LZTFL1: variants seen among roughly 807,000 people sequenced by gnomAD.
The protein encoded by LZTFL1 is leucine zipper transcription factor like 1, also known as leucine zipper transcription factor-like protein 1.
Under a neutral mutation model 45.9 loss-of-function variants are expected in LZTFL1, and 25 were observed. The ratio of observed to expected loss-of-function variants is 0.54; its 90% CI spans 0.40 to 0.76. The LOEUF is 0.76. Ranked by LOEUF, LZTFL1 falls within the 30% of genes least tolerant of loss-of-function variation. The pLI, the probability that LZTFL1 is intolerant of heterozygous loss-of-function variation, is 0.00. For missense variants in LZTFL1, 277 were observed against 331.1 expected (o/e 0.84, Z 1.27); for synonymous variants, 93 against 117.4 (o/e 0.79, Z 1.35).
intron 2 of LZTFL1, among the ~76,000 whole-genome samples, chr3:45,864,418 C>T (rs1004356482): frequency 3.3e-5 from 5 of 152,194 alleles, no homozygotes; most frequent in Admixed American, 6.5e-5. Flanking sequence ...AAATCTTCAT[C>T]GACTAGTAAA....
intron 3 of LZTFL1, chr3:45,855,140 G>A (rs1389893138): frequency 4.3e-6 from 4 of 920,372 alleles, no homozygotes; most frequent in Non-Finnish European, 6.7e-6. Context: ...GGGATATGAT[G>A]AACATCAATG....
intron 3 of LZTFL1, among the ~76,000 whole-genome samples, chr3:45,857,212 C>T (rs1161545089): frequency 6.6e-6 from 1 of 152,164 alleles, no homozygotes; most frequent in African/African-American, 2.4e-5. Context: ...AAGTTAATGT[C>T]CTTTGCAGGG....
intron 1 of LZTFL1, chr3:45,913,305 C>CT (rs74619260): frequency 0.087 from 44,662 of 513,078 alleles, 3 homozygotes; most frequent in East Asian, 0.13. Flanking sequence ...AGATCCTTAA[C>CT]TTTTTTTTTT....
intron 9 of LZTFL1, 100 bp from the exon 10 acceptor site, chr3:45,826,432 A>C: frequency 2.1e-6 from 2 of 943,778 alleles, no homozygotes; most frequent in Non-Finnish European, 3.4e-6. Flanking sequence ...TCTCACTTCA[A>C]ATTACTGTTA....
intron 1 of LZTFL1, among the ~76,000 whole-genome samples, chr3:45,839,593 A>G (rs1289822060): frequency 6.6e-6 from 1 of 152,212 alleles, no homozygotes; most frequent in Non-Finnish European, 1.5e-5. Context: ...ATCCTAAAGT[A>G]TCTCTCCATT....
chr3:45,887,397 A>AT (rs1702016739), intron 2 of LZTFL1, among the ~76,000 whole-genome samples: 1 of 152,170 alleles, frequency 6.6e-6, no homozygotes, highest in East Asian at 1.9e-4. Context: ...CATTTTGGGG[A>AT]TTTTTTGTGC....
chr3:45,892,680 A>G (rs770462769), intron 2 of LZTFL1, among the ~76,000 whole-genome samples: 11 of 152,304 alleles, frequency 7.2e-5, no homozygotes, highest in South Asian at 4.1e-4. Context: ...CAATTTACCT[A>G]TATGACAAAC....
intron 2 of LZTFL1, among the ~76,000 whole-genome samples, chr3:45,892,961 C>T (rs955009893): frequency 2.0e-5 from 3 of 152,174 alleles, no homozygotes; most frequent in African/African-American, 7.2e-5. Flanking sequence ...TCCTGCCTTA[C>T]TTGAACAGCT....
chr3:45,832,891 T>C, intron 5 of LZTFL1, 159 bp downstream of exon 5: 1 of 582,470 alleles, frequency 1.7e-6, no homozygotes, highest in Non-Finnish European at 3.1e-6. Flanking sequence ...AGGTTAAGTA[T>C]GCCCTCTTCT....
Position 45,824,572 on chromosome 3 carries a change from C to T in LZTFL1, c.*1742G>A. 5.5e-6 allele frequency: 2 copies of T among 364,282 alleles called. No individual in the cohort carries two copies. The highest frequency in any genetic ancestry group is 4.9e-6 in the Non-Finnish European group (1 of 205,148). 22.6% of individuals were successfully genotyped at this position (364,282 alleles called of 1,614,324 possible). A position where few individuals can be genotyped will look rare whatever the true frequency, so the allele number is the denominator to read the frequency against. On this transcript the variant is annotated 3_prime_UTR_variant, in exon 10 of 10. Transcript: ENST00000296135. ...TACTGTACAGAATATTTCAAAACTG[C>T]TACCAAGAAAACAAGTACAAATTCT...
chr3:45,855,811 G>A (rs1223557440), intron 3 of LZTFL1, among the ~76,000 whole-genome samples: 1 of 152,008 alleles, frequency 6.6e-6, no homozygotes, highest in Non-Finnish European at 1.5e-5. Context: ...TTGCTACAAA[G>A]AAAATAAAAT....
chr3:45,853,152 G>A (rs1473478857), intron 4 of LZTFL1, among the ~76,000 whole-genome samples: 1 of 152,194 alleles, frequency 6.6e-6, no homozygotes, highest in East Asian at 1.9e-4. Flanking sequence ...CCCTTTTCAT[G>A]AGCTTTCTTT....
intron 2 of LZTFL1, among the ~76,000 whole-genome samples, chr3:45,889,193 C>G (rs891772946): frequency 6.6e-6 from 1 of 152,226 alleles, no homozygotes; most frequent in African/African-American, 2.4e-5. Flanking sequence ...CTCTGTTGCC[C>G]AGGCTGATCT....
intron 2 of LZTFL1, among the ~76,000 whole-genome samples, chr3:45,890,256 G>GAAATATATATATATTTTATAT (rs1402612474): frequency 4.8e-5 from 1 of 20,990 alleles, no homozygotes; most frequent in African/African-American, 1.9e-4. Flanking sequence ...CTGGGTATTA[G>GAAATATATATATATTTTATAT]AAATATATAT....
intron 3 of LZTFL1, among the ~76,000 whole-genome samples, chr3:45,856,188 ACAT>A (rs1373509386): frequency 1.1e-4 from 17 of 152,224 alleles, no homozygotes. Flanking sequence ...AAAACCAGAC[ACAT>A]CAACCAATGG....
intron 4 of LZTFL1, among the ~76,000 whole-genome samples, chr3:45,851,514 C>T (rs113700305): frequency 1.3e-5 from 2 of 151,946 alleles, no homozygotes; most frequent in Admixed American, 6.6e-5. Flanking sequence ...AGTGAGCCAC[C>T]GTGCCTGGCC....
chr3:45,832,743 T>G, intron 5 of LZTFL1: 1 of 198,680 alleles, frequency 5.0e-6, no homozygotes. Context: ...TAAATAATTT[T>G]TATAAACTTA....
chr3:45,913,796 A>G (rs1358446310), intron 1 of LZTFL1, among the ~76,000 whole-genome samples: 10 of 152,032 alleles, frequency 6.6e-5, no homozygotes, highest in African/African-American at 4.8e-5. Flanking sequence ...GACCTCCCCA[A>G]CGCATACCCC....
At chr3:45,875,776 C>G (rs1027384728) in intron 2 of LZTFL1, among the ~76,000 whole-genome samples, 3 of 152,140 alleles carry the variant, frequency 2.0e-5, no homozygotes, top group African/African-American at 7.2e-5. Context: ...AATATTGGAC[C>G]AATTTTATTT....
Sources: gnomAD v4.1 joint callset for allele counts (sites outside exome capture counted in the v4.1 genomes callset) on GRCh38, gnomAD v4.1.1 for gene constraint, MANE v1.5 for transcripts, NCBI Gene and HGNC (gene_info 2026-07-23, HGNC 2026-07-21) for gene names.